ZNF331: variants seen among roughly 807,000 people sequenced by gnomAD.
The protein encoded by ZNF331 is C2H2-like zinc finger protein rearranged in thyroid adenomas.
ZNF331 carries 2 observed loss-of-function variants against 7.0 expected under a neutral mutation model. The observed-to-expected ratio is 0.29, with a 90% CI of 0.12 to 0.90. The LOEUF is 0.90. ZNF331 is among the 40% of genes least tolerant of loss of function. ZNF331 has a pLI of 0.58. For synonymous variants in ZNF331, 196 were observed against 205.4 expected (o/e 0.95, Z 0.39); for missense variants, 432 against 587.7 (o/e 0.74, Z 2.74).
chr19:53,514,610 C>T (rs1454011320), upstream of ZNF331, among the ~76,000 whole-genome samples: 3 of 151,994 alleles, frequency 2.0e-5, no homozygotes, highest in Admixed American at 6.6e-5. Context: ...ACTCCAGCTC[C>T]GCCCCAGGCA....
the ZNF331 span, among the ~76,000 whole-genome samples, chr19:53,507,007 G>T: frequency 6.6e-6 from 1 of 152,158 alleles, no homozygotes; most frequent in African/African-American, 2.4e-5. Context: ...CTTCCTGTGT[G>T]GGGTGTGATC....
At chr19:53,544,468 C>G (rs28690239) in intron 2 of ZNF331, among the ~76,000 whole-genome samples, 2,399 of 150,128 alleles carry the variant, frequency 0.016, 51 homozygotes, top group African/African-American at 0.054. Context: ...TGGCGTGAAC[C>G]CAGGAGACAG....
chr19:53,526,344 A>G (rs961296695), intron 2 of ZNF331, among the ~76,000 whole-genome samples: 5 of 152,120 alleles, frequency 3.3e-5, no homozygotes, highest in African/African-American at 1.2e-4. Context: ...GAAGCATTGT[A>G]TTAGGTCTTC....
At position 53,539,795 on chromosome 19, in the gene ZNF331, C is replaced by T. The variant is rs867579005; in HGVS notation, c.-138+513C>T. ...GACATGCCCCAAAGACATTTAGACC[C>T]ATTGGTCTACAATCGAAGGCTGTGT... On this transcript the variant is annotated intron_variant, in intron 2 of 5. Coordinates refer to ENST00000449416, the MANE Select transcript of ZNF331 (RefSeq NM_001079906.2). The surrounding 1 kb of genome is among the most constrained non-coding windows in gnomAD (Gnocchi z 6.1). Among the ~76,000 whole-genome samples the T allele has an allele frequency of 2.6e-5, 4 of 152,194 alleles. No individual in the cohort carries two copies. Among genetic ancestry groups the T allele is most frequent in the Admixed American group, 6.5e-5 (1 of 15,286 alleles).
Position 53,577,868 on chromosome 19 carries a change from G to A in ZNF331, c.1308G>A (p.Ala436=), listed in dbSNP as rs757099778. 9 of 1,613,600 alleles carry A rather than the reference G, an allele frequency of 5.6e-6. No homozygotes were observed. Among genetic ancestry groups the A allele is most frequent in the Admixed American group, 1.7e-5 (1 of 59,950 alleles). ...LTQHQKTHSG[A]KSYECKECGK... is the part of the protein sequence containing the mutation. ...AACATCAGAAAACGCACAGTGGGGCGAAATCCTACGAATGTAAGGAGTGCG... is the reference window on the plus strand; with the variant it reads ...AACATCAGAAAACGCACAGTGGGGCAAAATCCTACGAATGTAAGGAGTGCG... Residue 436 remains alanine, a synonymous_variant, in exon 6 of 6, where the codon GCG becomes GCA. Transcript: ENST00000449416.
intron 2 of ZNF331, among the ~76,000 whole-genome samples, chr19:53,544,294 C>T (rs2088414077): frequency 6.6e-6 from 1 of 150,634 alleles, no homozygotes; most frequent in South Asian, 2.1e-4. Flanking sequence ...GCCTGTAATC[C>T]CAGCACTTTG....
Position 53,569,635 on chromosome 19 carries a change from G to A in ZNF331, c.9+250G>A, listed in dbSNP as rs3746302. ...AGGGTAATTTTGGAGCAGTGAAGTA[G>A]CAAAGTCCTTTGAGGGAAATATTTA... On this transcript the variant is annotated intron_variant, in intron 4 of 5. Coordinates refer to ENST00000449416, the MANE Select transcript of ZNF331 (RefSeq NM_001079906.2). 0.26 allele frequency among the ~76,000 whole-genome samples: 39,048 copies of A among 151,978 alleles called. 5,152 individuals carry two copies. Among genetic ancestry groups the A allele is most frequent in the Middle Eastern group, 0.28 (83 of 294 alleles).
chr19:53,531,524 G>A (rs1166825189), intron 2 of ZNF331, among the ~76,000 whole-genome samples: 1 of 152,116 alleles, frequency 6.6e-6, no homozygotes, highest in African/African-American at 2.4e-5. Context: ...GAAAAGATTC[G>A]TTTTTAAGTG....
chr19:53,550,529 CTTTTTTTTTTT>C (rs60619357), intron 2 of ZNF331, among the ~76,000 whole-genome samples: 7 of 64,548 alleles, frequency 1.1e-4, no homozygotes, highest in South Asian at 8.7e-4. Flanking sequence ...TCTATTTTGT[CTTTTTTTTTTT>C]TTTTTTTTTT....
chr19:53,563,090 C>T (rs1014747465), intron 3 of ZNF331, among the ~76,000 whole-genome samples: 12 of 146,780 alleles, frequency 8.2e-5, no homozygotes, highest in African/African-American at 3.1e-4. Flanking sequence ...TCCACACCCC[C>T]CCACCCCCCG....
At chr19:53,519,720 C>T (rs7252226), upstream of ZNF331, among the ~76,000 whole-genome samples, 959 of 152,284 alleles carry the variant, frequency 6.3e-3, 11 homozygotes, top group African/African-American at 0.022. Context: ...GAGAACGAAA[C>T]GCAAAGTCCT....
chr19:53,540,834 A>G (rs2088110097), intron 2 of ZNF331, among the ~76,000 whole-genome samples: 2 of 152,144 alleles, frequency 1.3e-5, no homozygotes, highest in Non-Finnish European at 2.9e-5. Flanking sequence ...AGCTGCAAAG[A>G]CAGGCCAAGT....
At chr19:53,570,904 T>C (rs547139178) in intron 4 of ZNF331, among the ~76,000 whole-genome samples, 5 of 149,638 alleles carry the variant, frequency 3.3e-5, no homozygotes, top group African/African-American at 1.2e-4. Context: ...TCGCCCAGGC[T>C]GGAGTGCAGT....
At chr19:53,561,810 ACCACTG>A (rs1003781753) in intron 3 of ZNF331, among the ~76,000 whole-genome samples, 7 of 152,092 alleles carry the variant, frequency 4.6e-5, no homozygotes, top group Non-Finnish European at 1.0e-4. Flanking sequence ...CCGTGATCCC[ACCACTG>A]CCCTCCAGCC....
chr19:53,559,968 C>T (rs575950316), intron 3 of ZNF331, among the ~76,000 whole-genome samples: 171 of 148,368 alleles, frequency 1.2e-3, no homozygotes, highest in Middle Eastern at 3.6e-3. Flanking sequence ...ATATACACCC[C>T]GTACACATAT....
chr19:53,567,402 G>A lies in ZNF331; in HGVS notation c.-73-1902G>A, dbSNP rs111783308. Among the ~76,000 whole-genome samples the A allele has an allele frequency of 1.2e-3, 176 of 152,202 alleles. 1 individual carries two copies. Among genetic ancestry groups the A allele is most frequent in the African/African-American group, 3.9e-3 (163 of 41,534 alleles). ...GGCTCAGAATGAGACTGAATACTCT[G>A]AGCACCCACTGTCTGATCCTAGATC... is the stretch of plus-strand genomic sequence containing the variant. On this transcript the variant is annotated intron_variant, in intron 3 of 5. Coordinates refer to ENST00000449416, the MANE Select transcript of ZNF331 (RefSeq NM_001079906.2).
chr19:53,577,150 G>A lies in ZNF331; in HGVS notation c.590G>A (p.Arg197Gln), dbSNP rs762879171. ...YECKDCGKAF[R>Q]WGSSLVIHKR... ...TGTAAAGACTGTGGGAAGGCTTTTC[G>A]ATGGGGCTCAAGCCTCGTTATTCAT... The change falls in exon 6 of 6, where the codon CGA becomes CAA. Residue 197 changes from arginine (R) to glutamine (Q), a missense_variant. By Grantham distance (43) the Arg-to-Gln change is conservative (BLOSUM62 1). Around this residue, in one of 3 missense-constraint regions of ZNF331, gnomAD observed 312 missense variants for 448.6 expected, o/e 0.70. Coordinates refer to ENST00000449416, the MANE Select transcript of ZNF331 (RefSeq NM_001079906.2). The A allele has an allele frequency of 1.9e-6, 3 of 1,610,602 alleles. No homozygotes were observed. Among genetic ancestry groups the A allele is most frequent in the Non-Finnish European group, 2.5e-6 (3 of 1,179,044 alleles).
chr19:53,529,401 T>TAAA (rs61435436), intron 2 of ZNF331, among the ~76,000 whole-genome samples: 2 of 144,984 alleles, frequency 1.4e-5, no homozygotes, highest in South Asian at 4.4e-4. Flanking sequence ...CTCTGTCTTT[T>TAAA]AAAAAAAAAA....
upstream of ZNF331, among the ~76,000 whole-genome samples, chr19:53,517,407 C>G (rs1437872127): frequency 6.6e-6 from 1 of 152,130 alleles, no homozygotes; most frequent in Non-Finnish European, 1.5e-5. Flanking sequence ...CAGTCCTCCC[C>G]ACAGGACTCT....
Sources: gnomAD v4.1 joint callset for allele counts (sites outside exome capture counted in the v4.1 genomes callset) on GRCh38, gnomAD v4.1.1 for gene constraint, gnomAD v4.1.1 regional missense constraint, Gnocchi (gnomAD v3.1) non-coding constraint, MANE v1.5 for transcripts, NCBI Gene and HGNC (gene_info 2026-07-23, HGNC 2026-07-21) for gene names.